The following AP2A1 variants were observed in gnomAD, a reference collection of about 807,000 sequenced individuals.
The protein encoded by AP2A1 is AP-2 complex subunit alpha-1.
A neutral mutation model predicts 107.3 loss-of-function variants in AP2A1; 21 were observed. That is an observed-to-expected ratio of 0.20 (90% CI 0.14 to 0.28). The LOEUF (loss-of-function observed/expected upper bound fraction) is 0.28. AP2A1 is among the 10% of genes least tolerant of loss of function. AP2A1 has a pLI of 1.00. For synonymous variants in AP2A1, 602 were observed against 564.8 expected, an observed-to-expected ratio of 1.07 and a Z score of -0.93; for missense variants, 873 against 1,307.7, an observed-to-expected ratio of 0.67 and a Z score of 5.13.
At chr19:49,774,147 A>G (rs1202698384) in intron 1 of AP2A1, among the ~76,000 whole-genome samples, 3 of 152,210 alleles carry the variant, frequency 2.0e-5, no homozygotes, top group Admixed American at 6.5e-5. Context: ...GGACAGATGC[A>G]GGCCTGAGCC....
rs571134797 is a variant in AP2A1 at position 49,792,076 on chromosome 19, G to T, written c.603+12G>T. 7.1e-5 allele frequency: 114 copies of T among 1,609,932 alleles called. No individual in the cohort carries two copies. The East Asian group carries it at 1.7e-3, about 24-fold the overall frequency. On this transcript the variant is annotated intron_variant, in intron 5 of 22. Coordinates refer to ENST00000354293, the MANE Select transcript of AP2A1 (RefSeq NM_130787.3). ...ATGACCAGCACATGGTGAGCCCCCA[G>T]CCCTCACACCCCCGGATACCCAGGG...
At position 49,800,117 on chromosome 19, in the gene AP2A1, C is replaced by T. The variant is rs1422898868; in HGVS notation, c.1422C>T (p.Asp474=). 9.3e-6 allele frequency: 15 copies of T among 1,613,510 alleles called. No individual in the cohort carries two copies. The highest frequency in any genetic ancestry group is 2.2e-5 in the East Asian group (1 of 44,868). Residue 474 remains aspartate (D), a synonymous_variant, in exon 11 of 23, where the codon GAC becomes GAT. Transcript: ENST00000354293. ...RVLQIVTNRD[D]VQGYAAKTVF... ...TACAGATCGTCACCAACCGTGATGA[C>T]GTCCAGGGCTATGCCGCCAAGACCG...
chr19:49,804,799 C>T (rs2073339661), intron 18 of AP2A1: 1 of 151,254 alleles, frequency 6.6e-6, no homozygotes, highest in Non-Finnish European at 1.5e-5. Flanking sequence ...CCAGGCTGGT[C>T]TCAAACTCCT....
intron 4 of AP2A1, among the ~76,000 whole-genome samples, chr19:49,787,347 GTTTTTTGTT>G (rs1479648319): frequency 3.7e-4 from 36 of 96,182 alleles, no homozygotes; most frequent in Admixed American, 1.9e-3. Flanking sequence ...TGTTTTTTTT[GTTTTTTGTT>G]TTTTTTTTTT....
chr19:49,789,364 C>A (rs1314025178), intron 4 of AP2A1, among the ~76,000 whole-genome samples: 1 of 152,082 alleles, frequency 6.6e-6, no homozygotes, highest in Non-Finnish European at 1.5e-5. Flanking sequence ...GATCTCAGCT[C>A]ACTGCAACCT....
chr19:49,805,304 G>A (rs1356956046), intron 18 of AP2A1, 149 bp from the exon 19 acceptor site: 3 of 984,112 alleles, frequency 3.0e-6, no homozygotes, highest in South Asian at 2.0e-5. Flanking sequence ...GAACTTTGTA[G>A]TTGAACCTTG....
intron 7 of AP2A1, chr19:49,796,926 ACT>A (rs1290248463): frequency 3.9e-5 from 6 of 152,036 alleles, no homozygotes; most frequent in East Asian, 3.9e-4. Flanking sequence ...GTGTGTACAC[ACT>A]CTGAGTATAC....
At chr19:49,803,235 G>A (rs2073315300) in intron 17 of AP2A1, 46 bp downstream of exon 17, 1 of 1,613,630 alleles carries the variant, frequency 6.2e-7, no homozygotes, top group Non-Finnish European at 8.5e-7. Flanking sequence ...GAGACCTTGG[G>A]GAAGGGGTCA....
At chr19:49,800,686 G>C in intron 11 of AP2A1, 1 of 365,040 alleles carries the variant, frequency 2.7e-6, no homozygotes. Flanking sequence ...ACCCAGGCTG[G>C]TTTGAAACTC....
chr19:49,806,626 G>T, intron 22 of AP2A1, 55 bp from the exon 23 acceptor site: 1 of 1,608,704 alleles, frequency 6.2e-7, no homozygotes, highest in East Asian at 2.2e-5. Context: ...CTTGGGTCCC[G>T]ACTTCCCTGG....
At chr19:49,799,824 G>A in intron 10 of AP2A1, 58 bp downstream of exon 10, 1 of 1,581,578 alleles carries the variant, frequency 6.3e-7, no homozygotes, top group Non-Finnish European at 8.6e-7. Context: ...GTGGCTGGGG[G>A]CCTGGATTCC....
intron 11 of AP2A1, 145 bp downstream of exon 11, chr19:49,800,295 C>G: frequency 9.7e-7 from 1 of 1,030,446 alleles, no homozygotes; most frequent in Non-Finnish European, 1.4e-6. Flanking sequence ...CTCTGCCTCT[C>G]TGGGCCAACC....
At chr19:49,797,074 C>T (rs1251366224) in intron 7 of AP2A1, 1 of 152,176 alleles carries the variant, frequency 6.6e-6, no homozygotes, top group Non-Finnish European at 1.5e-5. Flanking sequence ...TGCTCTAAGC[C>T]CATGACCACC....
At chr19:49,804,577 C>T (rs957654168) in intron 18 of AP2A1, 4 of 152,036 alleles carry the variant, frequency 2.6e-5, no homozygotes, top group Non-Finnish European at 5.9e-5. Context: ...TCATAATTTC[C>T]AGAGGCTCGT....
chr19:49,799,923 C>G (rs189554440), intron 10 of AP2A1, 45 bp from the exon 11 acceptor site: 9 of 1,599,730 alleles, frequency 5.6e-6, no homozygotes, highest in Non-Finnish European at 6.0e-6. Context: ...AGTGAAAGCC[C>G]GACATGGCCT....
At chr19:49,772,246 GTTTTTTTTTTTT>G (rs71180653) in intron 1 of AP2A1, among the ~76,000 whole-genome samples, 12 of 56,174 alleles carry the variant, frequency 2.1e-4, no homozygotes, top group Admixed American at 2.9e-4. Context: ...TTTTCATAGA[GTTTTTTTTTTTT>G]TTTTTTTTTT....
chr19:49,793,044 A>G lies in AP2A1; in HGVS notation c.657A>G (p.Pro219=), dbSNP rs1600232348. 3 of 1,610,918 alleles carry G rather than the reference A, an allele frequency of 1.9e-6. No homozygotes were observed. Among genetic ancestry groups the G allele is most frequent in the East Asian group, 4.5e-5 (2 of 44,776 alleles). Residue 219 remains proline, a synonymous_variant, in exon 6 of 23, where the codon CCA becomes CCG. Coordinates refer to ENST00000354293, the MANE Select transcript of AP2A1 (RefSeq NM_130787.3). ...SLITCLCKKN[P]DDFKTCVSLA... is the part of the protein sequence containing the mutation. The stretch of plus-strand genomic sequence containing the variant: ...TCACCTGTCTCTGCAAGAAGAACCC[A>G]GATGACTTCAAGACGTGCGTCTCTC...
In AP2A1 at chr19:49,787,330, TTTTGTTTGTTTTTTTTGTTTTTTG is replaced by T. The variant is rs1214157564; in HGVS notation, c.474-4601_474-4578del. ...GAGCCACCACTCCCATCTAGGCTTT[TTTTGTTTGTTTTTTTTGTTTTTTG>T]TTTTTTTTTTTTTGAGGCAGTCTCT... On this transcript the variant is annotated intron_variant, in intron 4 of 22. Coordinates refer to ENST00000354293, the MANE Select transcript of AP2A1 (RefSeq NM_130787.3). Among the ~76,000 whole-genome samples, 129 of 123,336 alleles carry T rather than the reference TTTTGTTTGTTTTTTTTGTTTTTTG, an allele frequency of 1.0e-3. 10 individuals carry two copies. Among genetic ancestry groups the T allele is most frequent in the African/African-American group, 4.1e-3 (117 of 28,372 alleles). 80.9% of individuals were successfully genotyped at this position (123,336 alleles called of 152,430 possible).
Position 49,806,123 on chromosome 19 carries a change from T to A in AP2A1, c.2660T>A (p.Leu887Gln). Residue 887 changes from leucine to glutamine, a missense_variant, in exon 22 of 23, where the codon CTG becomes CAG. Physicochemically the swap from Leu to Gln is moderately radical, Grantham distance 113. Transcript: ENST00000354293. Reference sequence around the variant, plus strand: ...CGGCGCCCCCCCTCCTCCCAGCTTCTGGGGTTTGGCTCTGCTCTCCTGGAC... The same window carrying A: ...CGGCGCCCCCCCTCCTCCCAGCTTCAGGGGTTTGGCTCTGCTCTCCTGGAC... ...MDAEVTKAKLLGFGSALLDNV... is the reference protein window; with the variant it reads ...MDAEVTKAKLQGFGSALLDNV... The A allele has an allele frequency of 6.4e-7, 1 of 1,567,320 alleles. No homozygotes were observed. The highest frequency in any genetic ancestry group is 8.7e-7 in the Non-Finnish European group (1 of 1,155,746).
Sources: allele counts gnomAD v4.1 joint callset (sites outside exome capture counted in the v4.1 genomes callset), GRCh38; gene constraint gnomAD v4.1.1; transcripts MANE v1.5; gene names NCBI Gene and HGNC (gene_info 2026-07-23, HGNC 2026-07-21).